FFAR1: variants seen among roughly 807,000 people sequenced by gnomAD.
FFAR1 encodes the protein G-protein coupled receptor 40.
For missense variants in FFAR1, 424 were observed against 396.2 expected (o/e 1.07, Z -0.60); for synonymous variants, 216 against 201.5 (o/e 1.07, Z -0.61).
chr19:35,349,686 G>T (rs2066936337), upstream of FFAR1, among the ~76,000 whole-genome samples: 1 of 152,212 alleles, frequency 6.6e-6, no homozygotes, highest in African/African-American at 2.4e-5. Flanking sequence ...CACACAGAGA[G>T]AGGTTTATGA....
upstream of FFAR1, chr19:35,351,475 C>A (rs2066943922): frequency 7.5e-7 from 1 of 1,340,196 alleles, no homozygotes; most frequent in Non-Finnish European, 1.0e-6. Flanking sequence ...AGGAGCCCCT[C>A]CTCTCCGGGG....
At chr19:35,348,007 T>G (rs1179271737), upstream of FFAR1, among the ~76,000 whole-genome samples, 1 of 152,232 alleles carries the variant, frequency 6.6e-6, no homozygotes, top group Admixed American at 6.5e-5. Context: ...CTTCTCGGGT[T>G]TGATCTTTCT....
exon 1 of FFAR1, chr19:35,353,485 T>G (rs1408434809): frequency 1.3e-5 from 2 of 151,980 alleles, no homozygotes; most frequent in African/African-American, 4.8e-5. Flanking sequence ...ATCCTGTCTC[T>G]GGAAAAAAAA....
chr19:35,352,544 G>A, exon 1 of FFAR1: 1 of 1,419,224 alleles, frequency 7.0e-7, no homozygotes, highest in East Asian at 2.5e-5. Context: ...GAACTGCAGG[G>A]CAGCCTGGCC....
At chr19:35,349,847 GAGAC>G (rs1435469252), upstream of FFAR1, among the ~76,000 whole-genome samples, 1 of 152,222 alleles carries the variant, frequency 6.6e-6, no homozygotes, top group African/African-American at 2.4e-5. Context: ...TTGAGAGACA[GAGAC>G]AGAATCACAG....
chr19:35,351,636 G>C lies in FFAR1; in HGVS notation c.85G>C (p.Gly29Arg), dbSNP rs761631316. The change falls in exon 1 of 1, where the codon GGC becomes CGC. Residue 29 changes from glycine to arginine, a missense_variant. By Grantham distance (125) the Gly-to-Arg change is moderately radical. Coordinates refer to ENST00000246553, the Ensembl canonical transcript of FFAR1. ...CCCGCTCAACGTCCTGGCCATCCGA[G>C]GCGCGACGGCCCACGCCCGGCTCCG... 3 of 1,545,302 alleles carry C rather than the reference G, an allele frequency of 1.9e-6. No individual in the cohort carries two copies. The South Asian group carries it at 3.6e-5, about 18-fold the overall frequency.
upstream of FFAR1, among the ~76,000 whole-genome samples, chr19:35,350,352 C>T (rs751956123): frequency 6.6e-6 from 1 of 152,236 alleles, no homozygotes; most frequent in Non-Finnish European, 1.5e-5. Flanking sequence ...CTCCTTACCC[C>T]ACACACCCAC....
upstream of FFAR1, among the ~76,000 whole-genome samples, chr19:35,349,331 A>G (rs2066934931): frequency 6.6e-6 from 1 of 152,226 alleles, no homozygotes; most frequent in African/African-American, 2.4e-5. Context: ...GCAAAGATCC[A>G]GACGCCAGGT....
upstream of FFAR1, among the ~76,000 whole-genome samples, chr19:35,350,846 CCTCT>C (rs1282220342): frequency 1.3e-5 from 2 of 152,180 alleles, no homozygotes; most frequent in African/African-American, 4.8e-5. Context: ...GAGGTGGGTC[CCTCT>C]CTCTGTGGCT....
exon 1 of FFAR1, chr19:35,351,553 T>C: frequency 6.5e-7 from 1 of 1,540,060 alleles, no homozygotes; most frequent in Non-Finnish European, 8.7e-7. Flanking sequence ...GGCGGCCCCA[T>C]GGACCTGCCC....
exon 1 of FFAR1, chr19:35,352,048 G>T (rs1436691572): frequency 2.5e-6 from 4 of 1,613,792 alleles, no homozygotes; most frequent in Non-Finnish European, 3.4e-6. Context: ...CCGGTCAACG[G>T]CTCTCCGGTC....
At position 35,351,666 on chromosome 19, in the gene FFAR1, AC is replaced by A; in HGVS notation, c.119del (p.Pro40LeufsTer7). ...GACGGCCCACGCCCGGCTCCGTCTC[AC>A]CCCTAGCCTGGTCTACGCCCTGAAC... On this transcript the variant is annotated frameshift_variant, in exon 1 of 1. Transcript: ENST00000246553. LOFTEE classifies it low-confidence loss of function (END_TRUNC). The A allele has an allele frequency of 6.4e-7, 1 of 1,555,338 alleles. No homozygotes were observed. Among genetic ancestry groups the A allele is most frequent in the Non-Finnish European group, 8.7e-7 (1 of 1,153,188 alleles).
At chr19:35,352,153 G>C in exon 1 of FFAR1, 1 of 1,609,776 alleles carries the variant, frequency 6.2e-7, no homozygotes, top group Non-Finnish European at 8.5e-7. Context: ...ACAGCCTTCT[G>C]CTACGTGGGC....
chr19:35,348,189 C>A (rs567072719), upstream of FFAR1, among the ~76,000 whole-genome samples: 1 of 152,240 alleles, frequency 6.6e-6, no homozygotes, highest in African/African-American at 2.4e-5. Context: ...AGTACCCGGA[C>A]GGTAACTCTA....
At chr19:35,348,060 T>C (rs1453178925), upstream of FFAR1, among the ~76,000 whole-genome samples, 1 of 152,236 alleles carries the variant, frequency 6.6e-6, no homozygotes, top group Admixed American at 6.5e-5. Flanking sequence ...AAGCCCATTC[T>C]CCTTAGAGGG....
chr19:35,352,516 C>A, exon 1 of FFAR1: 3 of 1,501,854 alleles, frequency 2.0e-6, no homozygotes, highest in South Asian at 1.3e-5. Flanking sequence ...CAGGCCCCTG[C>A]GGGGGGCTGC....
chr19:35,349,247 A>G (rs1020300025), upstream of FFAR1, among the ~76,000 whole-genome samples: 24 of 152,236 alleles, frequency 1.6e-4, no homozygotes, highest in African/African-American at 5.8e-4. Context: ...AAGAAAGACA[A>G]CAAAAGTGAG....
upstream of FFAR1, among the ~76,000 whole-genome samples, chr19:35,350,638 C>T (rs1599700802): frequency 1.3e-5 from 2 of 152,194 alleles, no homozygotes; most frequent in African/African-American, 4.8e-5. Flanking sequence ...CCTGCATCTT[C>T]CCAGCCCCTC....
chr19:35,349,825 G>C (rs1452593379), upstream of FFAR1, among the ~76,000 whole-genome samples: 1 of 152,198 alleles, frequency 6.6e-6, no homozygotes, highest in African/African-American at 2.4e-5. Context: ...CAGACAGAAA[G>C]ACACGGGCAC....
Sources: allele counts gnomAD v4.1 joint callset (sites outside exome capture counted in the v4.1 genomes callset), GRCh38; gene constraint gnomAD v4.1.1; transcripts MANE v1.5; gene names NCBI Gene and HGNC (gene_info 2026-07-23, HGNC 2026-07-21).